The following ARHGAP12 variants were observed in gnomAD, a reference collection of about 807,000 sequenced individuals.
ARHGAP12 encodes the protein Rho GTPase activating protein 12, also known as rho GTPase-activating protein 12.
ARHGAP12 carries 64 observed loss-of-function variants against 108.6 expected under a neutral mutation model. The ratio of observed to expected loss-of-function variants is 0.59; its 90% CI spans 0.48 to 0.73. The LOEUF is 0.73. Ranked by LOEUF, ARHGAP12 falls within the 30% of genes least tolerant of loss-of-function variation. The pLI, the probability that ARHGAP12 is intolerant of heterozygous loss-of-function variation, is 0.00. For missense variants in ARHGAP12, 940 were observed against 1,005.9 expected (o/e 0.93, Z 0.89); for synonymous variants, 312 against 337.2 (o/e 0.93, Z 0.82).
chr10:31,872,748 G>A (rs2778670), intron 3 of ARHGAP12, among the ~76,000 whole-genome samples: 78,055 of 151,840 alleles, frequency 0.51, 20,366 homozygotes, highest in African/African-American at 0.58. Flanking sequence ...TTAACTATAA[G>A]ATAACTCCAA....
At chr10:31,884,094 T>TAAAAAAA (rs59701767) in intron 3 of ARHGAP12, among the ~76,000 whole-genome samples, 58 of 114,460 alleles carry the variant, frequency 5.1e-4, no homozygotes, top group African/African-American at 1.7e-3. Flanking sequence ...TGTTTACACC[T>TAAAAAAA]AAAAAAAAAA....
At chr10:31,822,796 C>T (rs1305017759) in intron 11 of ARHGAP12, among the ~76,000 whole-genome samples, 2 of 151,984 alleles carry the variant, frequency 1.3e-5, no homozygotes, top group African/African-American at 4.8e-5. Context: ...GACACTGATA[C>T]TTCCTCTAGG....
chr10:31,808,497 ATAC>A, intron 19 of ARHGAP12, 149 bp downstream of exon 19: 1 of 628,914 alleles, frequency 1.6e-6, no homozygotes, highest in Non-Finnish European at 2.8e-6. Context: ...TGACAGACTG[ATAC>A]TAAAAGGAGT....
At chr10:31,825,152 C>T (rs1054906388) in intron 11 of ARHGAP12, among the ~76,000 whole-genome samples, 1 of 152,084 alleles carries the variant, frequency 6.6e-6, no homozygotes, top group Non-Finnish European at 1.5e-5. Flanking sequence ...CACATCCGTG[C>T]TCAATTCATG....
intron 6 of ARHGAP12, among the ~76,000 whole-genome samples, chr10:31,847,819 G>A (rs907146168): frequency 6.6e-6 from 1 of 152,252 alleles, no homozygotes; most frequent in South Asian, 2.1e-4. Context: ...ATGGCTGACT[G>A]GGCTTCATAA....
intron 3 of ARHGAP12, among the ~76,000 whole-genome samples, chr10:31,867,519 G>A (rs371967803): frequency 3.3e-5 from 5 of 152,232 alleles, no homozygotes; most frequent in African/African-American, 1.2e-4. Flanking sequence ...TACAACAAGG[G>A]ATGGTTAAGT....
At chr10:31,817,237 A>AC (rs1432531744) in intron 13 of ARHGAP12, among the ~76,000 whole-genome samples, 1 of 152,128 alleles carries the variant, frequency 6.6e-6, no homozygotes, top group Non-Finnish European at 1.5e-5. Flanking sequence ...CCAGCTGCTT[A>AC]CTAACGTTCT....
Position 31,846,642 on chromosome 10 carries a change from G to C in ARHGAP12, c.1171-3056C>G, listed in dbSNP as rs1414052787. Among the ~76,000 whole-genome samples the C allele has an allele frequency of 2.6e-5, 4 of 152,058 alleles. No individual in the cohort carries two copies. The East Asian group carries it at 7.7e-4, about 29-fold the overall frequency. ...CTGAAGGGCTTTCAAGACTTTATCA[G>C]GGGGAGGGAGGGTCTTTAGTTTTCA... On this transcript the variant is annotated intron_variant, in intron 6 of 19. Coordinates refer to ENST00000344936, the MANE Select transcript of ARHGAP12 (RefSeq NM_018287.7).
intron 10 of ARHGAP12, among the ~76,000 whole-genome samples, chr10:31,831,255 T>C (rs935259663): frequency 2.6e-5 from 4 of 152,112 alleles, no homozygotes. Context: ...AAGCAAGAAG[T>C]GAAACCATCT....
In ARHGAP12 at chr10:31,820,265, C is replaced by T. The variant is rs1466798556; in HGVS notation, c.1632+122G>A. ...TTTCTTAAATTACAATACCATCTAA[C>T]TTAATCACCAACTTTGCCTTAACTA... is the stretch of plus-strand genomic sequence containing the variant. On this transcript the variant is annotated intron_variant, in intron 12 of 19. Coordinates refer to ENST00000344936, the MANE Select transcript of ARHGAP12 (RefSeq NM_018287.7). The T allele has an allele frequency of 2.0e-5, 13 of 658,182 alleles. No homozygotes were observed. The Admixed American group carries it at 4.5e-4, about 23-fold the overall frequency. The allele number at this position is 658,182 out of a possible 1,614,324, so 40.8% of individuals were successfully genotyped here.
At chr10:31,850,780 A>C (rs954924739) in intron 6 of ARHGAP12, among the ~76,000 whole-genome samples, 1 of 152,160 alleles carries the variant, frequency 6.6e-6, no homozygotes, top group Non-Finnish European at 1.5e-5. Context: ...CACAACTGCT[A>C]AGCTATGGTT....
chr10:31,838,724 G>A lies in ARHGAP12; in HGVS notation c.1386+581C>T, dbSNP rs1484250504. Among the ~76,000 whole-genome samples the A allele has an allele frequency of 4.0e-5, 6 of 151,536 alleles. No individual in the cohort carries two copies. The East Asian group carries it at 7.8e-4, about 20-fold the overall frequency. ...CGCATGCCTGTGATCCCAGCTACTC[G>A]GCAGGCTGAGACAGAAGAATCACTT... is the stretch of plus-strand genomic sequence containing the variant. On this transcript the variant is annotated intron_variant, in intron 9 of 19. Coordinates refer to ENST00000344936, the MANE Select transcript of ARHGAP12 (RefSeq NM_018287.7).
rs375273368 is a variant in ARHGAP12 at position 31,854,089 on chromosome 10, T to A, written c.1066A>T (p.Thr356Ser). The A allele has an allele frequency of 1.2e-6, 2 of 1,612,678 alleles. No homozygotes were observed. The highest frequency in any genetic ancestry group is 1.7e-6 in the Non-Finnish European group (2 of 1,179,630). Residue 356 changes from threonine (T) to serine (S), a missense_variant, in exon 5 of 20, where the codon ACC becomes TCC. Physicochemically the swap from Thr to Ser is moderately conservative, Grantham distance 58. Transcript: ENST00000344936. Reference protein sequence around the residue: ...ELDERGHTLYTSDYTNEKWLK... With the variant: ...ELDERGHTLYSSDYTNEKWLK... ...ACCTTTTCATTAGTATAGTCACTGG[T>A]ATATAAGGTATGCCCACGTTCATCC...
At chr10:31,907,757 C>T (rs1839196236) in intron 3 of ARHGAP12, among the ~76,000 whole-genome samples, 1 of 152,054 alleles carries the variant, frequency 6.6e-6, no homozygotes. Flanking sequence ...CCAAGGACAT[C>T]TTTCCTCAAA....
chr10:31,819,390 CTGGAAGGCTGTCCACAAAATCAGTCT>C (rs1036342200), intron 12 of ARHGAP12, among the ~76,000 whole-genome samples: 3 of 152,174 alleles, frequency 2.0e-5, no homozygotes, highest in Non-Finnish European at 4.4e-5. Context: ...AGGTTGGGAT[CTGGAAGGCTGTCCACAAAATCAGTCT>C]TGGATCTCTG....
chr10:31,842,449 C>CAAACTAG (rs764265784), intron 7 of ARHGAP12, among the ~76,000 whole-genome samples: 3 of 152,060 alleles, frequency 2.0e-5, no homozygotes, highest in Non-Finnish European at 4.4e-5. Flanking sequence ...AAGATCCTTA[C>CAAACTAG]AAACTAGAAA....
At chr10:31,904,599 T>C (rs114715377) in intron 3 of ARHGAP12, among the ~76,000 whole-genome samples, 3,646 of 152,230 alleles carry the variant, frequency 0.024, 158 homozygotes, top group African/African-American at 0.082. Flanking sequence ...TAAAGGTAAC[T>C]GGATAGAGGG....
At chr10:31,813,682 T>A (rs573575949) in intron 14 of ARHGAP12, among the ~76,000 whole-genome samples, 1 of 152,238 alleles carries the variant, frequency 6.6e-6, no homozygotes, top group Admixed American at 6.5e-5. Flanking sequence ...AAGTACCAAG[T>A]CACAAAGCTA....
intron 18 of ARHGAP12, 110 bp downstream of exon 18, chr10:31,808,884 A>C: frequency 7.2e-7 from 1 of 1,379,566 alleles, no homozygotes; most frequent in East Asian, 2.3e-5. Context: ...TTGGAGTAAA[A>C]CAATCTGTTG....
Sources: allele counts gnomAD v4.1 joint callset (sites outside exome capture counted in the v4.1 genomes callset), GRCh38; gene constraint gnomAD v4.1.1; transcripts MANE v1.5; gene names NCBI Gene and HGNC (gene_info 2026-07-23, HGNC 2026-07-21).